The following TNFSF4 variants were observed in gnomAD, a reference collection of about 807,000 sequenced individuals.
TNFSF4 encodes tumor necrosis factor ligand superfamily member 4.
Under a neutral mutation model 7.3 loss-of-function variants are expected in TNFSF4, and 4 were observed. The observed-to-expected ratio is 0.55, with a 90% CI of 0.27 to 1.25. The LOEUF (loss-of-function observed/expected upper bound fraction) is 1.25. Among genes scored for constraint, TNFSF4 ranks in the 50% most tolerant of loss-of-function variants. The pLI is 0.12. For missense variants in TNFSF4, 181 were observed against 208.8 expected (o/e 0.87, Z 0.82); for synonymous variants, 76 against 83.7 (o/e 0.91, Z 0.50).
At chr1:173,303,727 T>C in the TNFSF4 span, among the ~76,000 whole-genome samples, 1 of 151,974 alleles carries the variant, frequency 6.6e-6, no homozygotes, top group East Asian at 1.9e-4. Context: ...CAACTTGATA[T>C]AGAGCCTTCT....
chr1:173,379,468 C>T, the TNFSF4 span, among the ~76,000 whole-genome samples: 1 of 152,124 alleles, frequency 6.6e-6, no homozygotes, highest in Non-Finnish European at 1.5e-5. Context: ...CAAGTGGCTA[C>T]AGAAGGCCTT....
chr1:173,424,384 C>A, the TNFSF4 span, among the ~76,000 whole-genome samples: 1 of 152,186 alleles, frequency 6.6e-6, no homozygotes, highest in Non-Finnish European at 1.5e-5. Context: ...CTATCTATAA[C>A]GAAAGGCACA....
At chr1:173,268,391 G>T in the TNFSF4 span, among the ~76,000 whole-genome samples, 16 of 152,050 alleles carry the variant, frequency 1.1e-4, no homozygotes, top group South Asian at 1.2e-3. Context: ...AGCAGAAGAA[G>T]CTAAAGAGAC....
the TNFSF4 span, among the ~76,000 whole-genome samples, chr1:173,273,586 A>T: frequency 1.3e-5 from 2 of 152,128 alleles, no homozygotes; most frequent in African/African-American, 4.8e-5. Context: ...TGGGAAAAAA[A>T]TGTAGATGAT....
the TNFSF4 span, among the ~76,000 whole-genome samples, chr1:173,403,376 T>C: frequency 6.6e-6 from 1 of 152,206 alleles, no homozygotes; most frequent in African/African-American, 2.4e-5. Flanking sequence ...TGCATTTTTA[T>C]GCTCCAGGAG....
the TNFSF4 span, among the ~76,000 whole-genome samples, chr1:173,365,442 A>G: frequency 6.6e-6 from 1 of 152,172 alleles, no homozygotes; most frequent in Non-Finnish European, 1.5e-5. Flanking sequence ...AATGTTTAGG[A>G]TCATTGTCCT....
the TNFSF4 span, among the ~76,000 whole-genome samples, chr1:173,332,426 G>A: frequency 1.3e-5 from 2 of 152,336 alleles, no homozygotes; most frequent in African/African-American, 4.8e-5. Flanking sequence ...AGCTACTCAG[G>A]AGGCTGAGGC....
At chr1:173,285,980 G>A in the TNFSF4 span, among the ~76,000 whole-genome samples, 2 of 152,086 alleles carry the variant, frequency 1.3e-5, no homozygotes, top group Admixed American at 6.5e-5. Flanking sequence ...TTTGCTGACC[G>A]CTGACCAATA....
the TNFSF4 span, among the ~76,000 whole-genome samples, chr1:173,339,196 T>G: frequency 6.6e-6 from 1 of 151,984 alleles, no homozygotes; most frequent in Non-Finnish European, 1.5e-5. Flanking sequence ...GTGGGCAACA[T>G]AGCGAGACCT....
chr1:173,433,579 G>A, the TNFSF4 span, among the ~76,000 whole-genome samples: 1 of 151,752 alleles, frequency 6.6e-6, no homozygotes. Context: ...GCATGCACCT[G>A]TAGACCCAGC....
chr1:173,341,066 C>T, the TNFSF4 span, among the ~76,000 whole-genome samples: 1 of 152,078 alleles, frequency 6.6e-6, no homozygotes. Context: ...CTTCTCCTTG[C>T]TGCAGCCATG....
chr1:173,436,925 G>A, the TNFSF4 span, among the ~76,000 whole-genome samples: 103 of 152,308 alleles, frequency 6.8e-4, no homozygotes, highest in Admixed American at 5.3e-3. Flanking sequence ...TTTGGCTACC[G>A]GGAGGTGATC....
chr1:173,244,677 AC>A, the TNFSF4 span, among the ~76,000 whole-genome samples: 3 of 151,742 alleles, frequency 2.0e-5, no homozygotes, highest in Non-Finnish European at 4.4e-5. Flanking sequence ...CAAAAAAAAA[AC>A]ATAAACCCTC....
chr1:173,428,352 A>G, the TNFSF4 span, among the ~76,000 whole-genome samples: 1 of 152,212 alleles, frequency 6.6e-6, no homozygotes, highest in Non-Finnish European at 1.5e-5. Context: ...AAAATGGAGG[A>G]TACTGTTACA....
chr1:173,348,081 A>T, the TNFSF4 span, among the ~76,000 whole-genome samples: 1 of 152,208 alleles, frequency 6.6e-6, no homozygotes, highest in Admixed American at 6.5e-5. Context: ...AGAGCTTGAA[A>T]TATGTAGAAA....
intron 1 of TNFSF4, 104 bp downstream of exon 1, chr1:173,206,920 T>C: frequency 7.4e-7 from 1 of 1,342,584 alleles, no homozygotes; most frequent in South Asian, 1.7e-5. Flanking sequence ...GAAAAAAAAC[T>C]CAACACTTTT....
chr1:173,373,685 G>T, the TNFSF4 span, among the ~76,000 whole-genome samples: 1 of 152,142 alleles, frequency 6.6e-6, no homozygotes, highest in Non-Finnish European at 1.5e-5. Flanking sequence ...CCCCTCTGGG[G>T]GAACAAAGAA....
At chr1:173,426,928 C>A in the TNFSF4 span, among the ~76,000 whole-genome samples, 1 of 150,734 alleles carries the variant, frequency 6.6e-6, no homozygotes, top group African/African-American at 2.4e-5. Flanking sequence ...GCAAGACAGT[C>A]AGAGAGAGAG....
At chr1:173,206,993 TG>T in intron 1 of TNFSF4, 30 bp downstream of exon 1, 1 of 1,571,876 alleles carries the variant, frequency 6.4e-7, no homozygotes, top group Non-Finnish European at 8.7e-7. Context: ...CATGAGCTGG[TG>T]GGAAAACAGC....
Sources: gnomAD v4.1 joint callset for allele counts (sites outside exome capture counted in the v4.1 genomes callset) on GRCh38, gnomAD v4.1.1 for gene constraint, MANE v1.5 for transcripts, NCBI Gene and HGNC (gene_info 2026-07-23, HGNC 2026-07-21) for gene names.